The following DCC variants were observed in gnomAD, a reference collection of about 807,000 sequenced individuals.
The protein encoded by DCC is netrin receptor DCC.
DCC carries 58 observed loss-of-function variants against 172.5 expected under a neutral mutation model. That is an observed-to-expected ratio of 0.34 (90% CI 0.27 to 0.42). DCC has a LOEUF of 0.42. Ranked by LOEUF, DCC falls within the 10% of genes least tolerant of loss-of-function variation. The pLI is 1.00. For synonymous variants in DCC, 709 were observed against 644.5 expected (o/e 1.10, Z -1.52); for missense variants, 1,740 against 1,791.0 (o/e 0.97, Z 0.51).
intron 7 of DCC, among the ~76,000 whole-genome samples, chr18:53,126,290 C>T (rs776626056): frequency 1.3e-5 from 2 of 152,040 alleles, no homozygotes; most frequent in African/African-American, 2.4e-5. Flanking sequence ...CTATTTGTGC[C>T]TAGGATTTTT....
At chr18:53,279,720 A>G (rs1388686753) in intron 12 of DCC, among the ~76,000 whole-genome samples, 2 of 151,882 alleles carry the variant, frequency 1.3e-5, no homozygotes, top group Non-Finnish European at 2.9e-5. Flanking sequence ...CAAAGAAAAC[A>G]TGATACATAT....
At chr18:52,552,784 A>G (rs1359850677) in intron 1 of DCC, among the ~76,000 whole-genome samples, 8 of 152,120 alleles carry the variant, frequency 5.3e-5, no homozygotes, top group Non-Finnish European at 8.8e-5. Flanking sequence ...TGATAATTCT[A>G]ATTGACATGT....
intron 1 of DCC, among the ~76,000 whole-genome samples, chr18:52,553,246 G>T (rs1247074463): frequency 6.6e-6 from 1 of 151,838 alleles, no homozygotes; most frequent in Non-Finnish European, 1.5e-5. Flanking sequence ...ACACATATAT[G>T]CTTTAAGCAG....
chr18:53,042,334 C>T (rs575351860), intron 5 of DCC, among the ~76,000 whole-genome samples: 1 of 152,078 alleles, frequency 6.6e-6, no homozygotes, highest in South Asian at 2.1e-4. Context: ...TTGAACCAGC[C>T]TTGCATCCCA....
chr18:52,898,594 G>A (rs1305087342), intron 2 of DCC, among the ~76,000 whole-genome samples: 1 of 152,096 alleles, frequency 6.6e-6, no homozygotes, highest in East Asian at 1.9e-4. Context: ...TGGAAGGGTA[G>A]GGAGAGACTA....
intron 1 of DCC, among the ~76,000 whole-genome samples, chr18:52,348,523 C>T (rs1004180066): frequency 5.9e-5 from 9 of 152,082 alleles, no homozygotes; most frequent in Admixed American, 2.6e-4. Context: ...GGGTTTAATT[C>T]GCATTTTCCT....
At chr18:52,817,655 TGAAAAC>T (rs2038325975) in intron 2 of DCC, among the ~76,000 whole-genome samples, 1 of 152,048 alleles carries the variant, frequency 6.6e-6, no homozygotes, top group African/African-American at 2.4e-5. Flanking sequence ...AAAGAAAAAA[TGAAAAC>T]GTATTTGCCT....
rs559858401 is a variant in DCC at position 53,113,876 on chromosome 18, T to G, written c.1262-43480T>G. ...CTTCACTTTCTGTCATTTTATTATG[T>G]AATCTTAACTAAGCCTTGCCAATGA... On this transcript the variant is annotated intron_variant, in intron 7 of 28. Coordinates refer to ENST00000442544, the MANE Select transcript of DCC (RefSeq NM_005215.4). Among the ~76,000 whole-genome samples the G allele has an allele frequency of 2.4e-3, 364 of 151,582 alleles. 1 individual carries two copies. The highest frequency in any genetic ancestry group is 8.3e-3 in the African/African-American group (345 of 41,470).
intron 1 of DCC, among the ~76,000 whole-genome samples, chr18:52,709,563 C>T (rs1234591995): frequency 6.6e-6 from 1 of 152,296 alleles, no homozygotes; most frequent in African/African-American, 2.4e-5. Context: ...CCTGTGTGCT[C>T]TTCTTCGATT....
At chr18:53,498,368 C>CTT (rs2046051597) in intron 26 of DCC, among the ~76,000 whole-genome samples, 1 of 152,088 alleles carries the variant, frequency 6.6e-6, no homozygotes, top group Admixed American at 6.5e-5. Flanking sequence ...TCTGACAAAA[C>CTT]TTTATTAAGA....
At chr18:52,954,672 ATTAT>A (rs928049347) in intron 5 of DCC, among the ~76,000 whole-genome samples, 6 of 152,184 alleles carry the variant, frequency 3.9e-5, no homozygotes, top group Non-Finnish European at 5.9e-5. Context: ...CTTACAACTG[ATTAT>A]TTAAGAAGCA....
At chr18:53,479,019 C>T (rs994844183) in intron 25 of DCC, among the ~76,000 whole-genome samples, 6 of 152,184 alleles carry the variant, frequency 3.9e-5, no homozygotes, top group Non-Finnish European at 7.3e-5. Context: ...TTCCATCACC[C>T]TTCAGCCCTT....
intron 27 of DCC, among the ~76,000 whole-genome samples, chr18:53,507,771 C>A (rs2046199372): frequency 6.6e-6 from 1 of 151,910 alleles, no homozygotes; most frequent in Non-Finnish European, 1.5e-5. Flanking sequence ...TTTTTAATGT[C>A]TTTTTCAAAG....
intron 14 of DCC, among the ~76,000 whole-genome samples, chr18:53,331,684 A>T (rs2057531109): frequency 6.6e-6 from 1 of 152,148 alleles, no homozygotes; most frequent in South Asian, 2.1e-4. Context: ...GCTACCCTAA[A>T]TATGTATCTT....
At chr18:53,279,432 G>A (rs1192100973) in intron 12 of DCC, among the ~76,000 whole-genome samples, 2 of 147,408 alleles carry the variant, frequency 1.4e-5, no homozygotes, top group Non-Finnish European at 3.0e-5. Flanking sequence ...TCACTCATAG[G>A]TGGGAATTGA....
intron 5 of DCC, among the ~76,000 whole-genome samples, chr18:53,013,043 A>C (rs1599027671): frequency 1.3e-5 from 2 of 152,322 alleles, no homozygotes; most frequent in Admixed American, 1.3e-4. Flanking sequence ...TACCGTTAGA[A>C]TGGCAATCAT....
Position 52,927,072 on chromosome 18 carries a change from T to TAC in DCC, c.985+1703_985+1704insCA, listed in dbSNP as rs2040219894. Among the ~76,000 whole-genome samples the TAC allele has an allele frequency of 1.5e-5, 2 of 133,662 alleles. 1 individual carries two copies. The highest frequency in any genetic ancestry group is 3.3e-5 in the Non-Finnish European group (2 of 60,644). The allele number at this position is 133,662 out of a possible 152,430, so 87.7% of individuals were successfully genotyped here. ...ATATATATACACATATATACACACA[T>TAC]ATATGTGTATATACACGTATATACG... is the stretch of plus-strand genomic sequence containing the variant. On this transcript the variant is annotated intron_variant, in intron 5 of 28. Transcript: ENST00000442544.
At chr18:53,143,411 T>C (rs2043859968) in intron 7 of DCC, among the ~76,000 whole-genome samples, 1 of 152,182 alleles carries the variant, frequency 6.6e-6, no homozygotes, top group Non-Finnish European at 1.5e-5. Context: ...AATAAAACTC[T>C]TACAATCTCC....
chr18:53,292,230 G>A (rs948841048), intron 12 of DCC, among the ~76,000 whole-genome samples: 9 of 152,042 alleles, frequency 5.9e-5, no homozygotes, highest in African/African-American at 1.9e-4. Flanking sequence ...AAGCCCAGCG[G>A]GCAGGAAGGA....
Sources: allele counts gnomAD v4.1 joint callset (sites outside exome capture counted in the v4.1 genomes callset), GRCh38; gene constraint gnomAD v4.1.1; transcripts MANE v1.5; gene names NCBI Gene and HGNC (gene_info 2026-07-23, HGNC 2026-07-21).